PCDH7: variants seen among roughly 807,000 people sequenced by gnomAD.
PCDH7 encodes protocadherin-7.
In PCDH7, 17 loss-of-function variants were observed where a neutral mutation model predicts 58.9. The observed-to-expected ratio is 0.29, with a 90% confidence interval of 0.20 to 0.43. PCDH7 has a LOEUF of 0.43. Ranked by LOEUF, PCDH7 falls within the 20% of genes least tolerant of loss-of-function variation. The pLI is 1.00. For missense variants in PCDH7, 1,274 were observed against 1,441.0 expected (o/e 0.88, Z 1.88); for synonymous variants, 664 against 616.4 (o/e 1.08, Z -1.14).
At chr4:31,077,498 C>G (rs531694946) in intron 3 of PCDH7, among the ~76,000 whole-genome samples, 1 of 151,368 alleles carries the variant, frequency 6.6e-6, no homozygotes, top group East Asian at 1.9e-4. Flanking sequence ...AATGAGTTAA[C>G]GGAGATGATG....
intron 1 of PCDH7, among the ~76,000 whole-genome samples, chr4:30,781,527 CTA>C: frequency 6.6e-6 from 1 of 151,300 alleles, no homozygotes; most frequent in Non-Finnish European, 1.5e-5. Flanking sequence ...ATAATATTTT[CTA>C]TCTCTCTATT....
chr4:30,774,851 T>C (rs1721864894), intron 1 of PCDH7, among the ~76,000 whole-genome samples: 1 of 152,202 alleles, frequency 6.6e-6, no homozygotes, highest in South Asian at 2.1e-4. Flanking sequence ...AATCTATAGA[T>C]TGGAGTAATT....
At chr4:30,966,666 T>A (rs997067216) in intron 3 of PCDH7, among the ~76,000 whole-genome samples, 6 of 151,406 alleles carry the variant, frequency 4.0e-5, no homozygotes, top group Non-Finnish European at 8.8e-5. Flanking sequence ...AGTCACCAAC[T>A]TTAGCCCAAA....
intron 3 of PCDH7, among the ~76,000 whole-genome samples, chr4:31,060,137 G>A (rs1757567425): frequency 6.6e-6 from 1 of 151,712 alleles, no homozygotes; most frequent in Admixed American, 6.6e-5. Flanking sequence ...GTATAAATCA[G>A]TGGCATCTGG....
intron 3 of PCDH7, among the ~76,000 whole-genome samples, chr4:31,078,300 T>C (rs1233214304): frequency 6.6e-6 from 1 of 152,048 alleles, no homozygotes; most frequent in African/African-American, 2.4e-5. Context: ...TCTCTCTTTT[T>C]AGAGACAGGG....
intron 3 of PCDH7, among the ~76,000 whole-genome samples, chr4:30,999,588 C>T (rs1176374347): frequency 6.6e-6 from 1 of 152,018 alleles, no homozygotes; most frequent in Non-Finnish European, 1.5e-5. Flanking sequence ...AAAATAGTTA[C>T]TAAGGGAGTG....
intron 3 of PCDH7, among the ~76,000 whole-genome samples, chr4:31,077,708 C>T (rs1320262208): frequency 6.6e-6 from 1 of 152,026 alleles, no homozygotes; most frequent in Non-Finnish European, 1.5e-5. Context: ...ATTTCACCCA[C>T]CTTCTACAAT....
At chr4:31,130,536 C>G (rs1718850163) in intron 3 of PCDH7, among the ~76,000 whole-genome samples, 1 of 152,112 alleles carries the variant, frequency 6.6e-6, no homozygotes, top group African/African-American at 2.4e-5. Context: ...TTTAAGGTTC[C>G]CATTGTAGCT....
chr4:31,001,969 T>C (rs1449307734), intron 3 of PCDH7, among the ~76,000 whole-genome samples: 1 of 152,156 alleles, frequency 6.6e-6, no homozygotes, highest in Non-Finnish European at 1.5e-5. Flanking sequence ...TTTAAACTAA[T>C]TATAAACTCC....
chr4:31,067,863 T>C (rs1407157910), intron 3 of PCDH7, among the ~76,000 whole-genome samples: 2 of 151,940 alleles, frequency 1.3e-5, no homozygotes, highest in Non-Finnish European at 2.9e-5. Flanking sequence ...AAATGATATA[T>C]ACAGTGAAAC....
At chr4:30,895,145 A>G (rs914279702) in intron 1 of PCDH7, among the ~76,000 whole-genome samples, 1 of 147,624 alleles carries the variant, frequency 6.8e-6, no homozygotes, top group Non-Finnish European at 1.5e-5. Context: ...CAAAAAAAAA[A>G]TAATAATAAT....
chr4:31,101,461 T>A (rs1714883029), intron 3 of PCDH7, among the ~76,000 whole-genome samples: 1 of 152,206 alleles, frequency 6.6e-6, no homozygotes, highest in Non-Finnish European at 1.5e-5. Flanking sequence ...TGTATGCATG[T>A]GACACAATGA....
chr4:31,024,048 G>A (rs141591168), intron 3 of PCDH7, among the ~76,000 whole-genome samples: 4 of 152,294 alleles, frequency 2.6e-5, no homozygotes, highest in Non-Finnish European at 5.9e-5. Flanking sequence ...AGTAAGAAGA[G>A]CATTAAAACT....
In PCDH7 at chr4:31,094,945, C is replaced by A. The variant is rs73114761; in HGVS notation, c.*8-47528C>A. Reference sequence around the variant, plus strand: ...TGCTATTTAAAAAGACAAGGTTCTTCGGTTTAAATATTGATGGCCCAACTG... The same window carrying A: ...TGCTATTTAAAAAGACAAGGTTCTTAGGTTTAAATATTGATGGCCCAACTG... On this transcript the variant is annotated intron_variant, in intron 3 of 3. Transcript: ENST00000509759. Among the ~76,000 whole-genome samples the A allele has an allele frequency of 5.9e-3, 901 of 152,090 alleles. 14 individuals are homozygous for A. The highest frequency in any genetic ancestry group is 0.021 in the African/African-American group (856 of 41,486).
At chr4:31,064,747 T>G (rs1757947778) in intron 3 of PCDH7, among the ~76,000 whole-genome samples, 1 of 151,932 alleles carries the variant, frequency 6.6e-6, no homozygotes, top group African/African-American at 2.4e-5. Context: ...TCATCTTAAT[T>G]TAGCTAATTA....
intron 1 of PCDH7, among the ~76,000 whole-genome samples, chr4:30,831,027 A>C (rs1729705212): frequency 6.6e-6 from 1 of 152,110 alleles, no homozygotes; most frequent in Non-Finnish European, 1.5e-5. Flanking sequence ...TAATTTTCTG[A>C]AAGTATGGGT....
At chr4:30,778,740 T>G (rs1722400311) in intron 1 of PCDH7, among the ~76,000 whole-genome samples, 1 of 152,316 alleles carries the variant, frequency 6.6e-6, no homozygotes, top group African/African-American at 2.4e-5. Flanking sequence ...CTTTCCTGCA[T>G]TTCACAACTG....
intron 1 of PCDH7, among the ~76,000 whole-genome samples, chr4:30,803,027 A>G (rs1011364508): frequency 1.3e-5 from 2 of 152,120 alleles, no homozygotes; most frequent in Non-Finnish European, 2.9e-5. Context: ...TGTGTTGAAA[A>G]TGGTTTATCA....
chr4:31,001,408 G>T (rs1226883545), intron 3 of PCDH7, among the ~76,000 whole-genome samples: 11 of 152,088 alleles, frequency 7.2e-5, no homozygotes, highest in African/African-American at 2.6e-4. Context: ...ATTAACAAGA[G>T]CACATAAAAT....
Sources: gnomAD v4.1 joint callset for allele counts (sites outside exome capture counted in the v4.1 genomes callset) on GRCh38, gnomAD v4.1.1 for gene constraint, MANE v1.5 for transcripts, NCBI Gene and HGNC (gene_info 2026-07-23, HGNC 2026-07-21) for gene names.